The following SLC38A11 variants were observed in gnomAD, a reference collection of about 807,000 sequenced individuals.
The protein encoded by SLC38A11 is putative sodium-coupled neutral amino acid transporter 11.
A neutral mutation model predicts 49.4 loss-of-function variants in SLC38A11; 51 were observed. The observed-to-expected ratio is 1.03, with a 90% CI of 0.83 to 1.30. SLC38A11 has a LOEUF of 1.30. Among genes scored for constraint, SLC38A11 ranks in the 50% most tolerant of loss-of-function variants. The probability of loss-of-function intolerance (pLI) is 0.00; values close to 1 mark genes in which losing one functional copy is unlikely to be tolerated. For missense variants in SLC38A11, 574 were observed against 556.2 expected (o/e 1.03, Z -0.32); for synonymous variants, 203 against 192.9 (o/e 1.05, Z -0.43).
At chr2:164,951,455 T>C (rs1335391957) in intron 3 of SLC38A11, among the ~76,000 whole-genome samples, 1 of 152,334 alleles carries the variant, frequency 6.6e-6, no homozygotes, top group Non-Finnish European at 1.5e-5. Flanking sequence ...CTCATGCTGC[T>C]AATTTATGGG....
chr2:164,912,461 T>A (rs1428750291), intron 9 of SLC38A11: 1 of 152,116 alleles, frequency 6.6e-6, no homozygotes, highest in African/African-American at 2.4e-5. Flanking sequence ...CATTATTTTT[T>A]AAAAATGTCT....
In SLC38A11 at chr2:164,898,669, G is replaced by C; in HGVS notation, c.1157C>G (p.Ser386Cys). 4 of 1,613,526 alleles carry C rather than the reference G, an allele frequency of 2.5e-6. No individual in the cohort carries two copies. The highest frequency in any genetic ancestry group is 1.1e-5 in the South Asian group (1 of 91,068). Reference sequence around the variant, plus strand: ...ATCGGAGTGTGTCCTTGGTTCTTCAGACAGTTTCAGATAACAGGCTGATGG... The same window carrying C: ...ATCGGAGTGTGTCCTTGGTTCTTCACACAGTTTCAGATAACAGGCTGATGG... ...IIPSACYLKL[S>C]EEPRTHSDKI... Residue 386 changes from serine to cysteine, a missense_variant, in exon 12 of 12, where the codon TCT (serine) becomes TGT (cysteine). Transcript: ENST00000685975.
chr2:164,943,191 C>T (rs1687897335), intron 5 of SLC38A11, among the ~76,000 whole-genome samples: 1 of 151,974 alleles, frequency 6.6e-6, no homozygotes, highest in Admixed American at 6.5e-5. Flanking sequence ...CTCTTCAAAG[C>T]AAAAAGACAC....
chr2:164,939,936 T>TA, intron 5 of SLC38A11, among the ~76,000 whole-genome samples: 1 of 151,230 alleles, frequency 6.6e-6, no homozygotes. Flanking sequence ...CAAAACTCTT[T>TA]AATGACAAAA....
At chr2:164,941,710 T>C (rs1011626517) in intron 5 of SLC38A11, among the ~76,000 whole-genome samples, 9 of 152,198 alleles carry the variant, frequency 5.9e-5, no homozygotes, top group Admixed American at 5.9e-4. Flanking sequence ...ACAATCAAAA[T>C]GTTTCTATCA....
intron 7 of SLC38A11, among the ~76,000 whole-genome samples, chr2:164,928,759 A>G (rs894195719): frequency 1.1e-4 from 17 of 152,052 alleles, no homozygotes; most frequent in Non-Finnish European, 2.4e-4. Flanking sequence ...TCAGATAATC[A>G]TCTCATCTTT....
chr2:164,904,355 C>T (rs1453984948), intron 11 of SLC38A11, among the ~76,000 whole-genome samples: 1 of 151,972 alleles, frequency 6.6e-6, no homozygotes, highest in Non-Finnish European at 1.5e-5. Flanking sequence ...ACCTTTAAAA[C>T]TTAGTGTGTG....
At chr2:164,937,243 T>G in intron 7 of SLC38A11, 107 bp downstream of exon 7, 2 of 746,010 alleles carry the variant, frequency 2.7e-6, no homozygotes, top group Admixed American at 2.4e-5. Flanking sequence ...CAAAGATAAA[T>G]GATGTTTCTG....
chr2:164,914,253 G>A (rs1170727215), intron 9 of SLC38A11, among the ~76,000 whole-genome samples: 2 of 151,898 alleles, frequency 1.3e-5, no homozygotes, highest in Admixed American at 1.3e-4. Flanking sequence ...ACCTGCAAGA[G>A]CTGTGAAATA....
intron 5 of SLC38A11, 36 bp downstream of exon 5, chr2:164,944,533 T>C (rs1165255039): frequency 3.0e-6 from 3 of 1,005,772 alleles, no homozygotes; most frequent in Admixed American, 3.8e-5. Flanking sequence ...ATAAAATAAA[T>C]ATATTTAAAT....
intron 5 of SLC38A11, among the ~76,000 whole-genome samples, chr2:164,940,595 A>T (rs969092949): frequency 4.6e-5 from 7 of 151,312 alleles, no homozygotes. Context: ...CTAAACAATG[A>T]CACTACTTTT....
intron 3 of SLC38A11, among the ~76,000 whole-genome samples, chr2:164,949,323 A>G (rs573166242): frequency 6.6e-6 from 1 of 152,064 alleles, no homozygotes; most frequent in Non-Finnish European, 1.5e-5. Flanking sequence ...ATCTCAGCTC[A>G]CTGCAACCTC....
chr2:164,915,116 G>A lies in SLC38A11; in HGVS notation c.846C>T (p.Thr282=). The change falls in exon 9 of 12, where the codon ACC becomes ACT. Residue 282 remains threonine (T), a synonymous_variant. Transcript: ENST00000685975. ...TAACTGAATCTCTCATTTTACCTTG[G>A]GTGAAGCCAGTAAATGTCAAGTATC... ...TCGYLTFTGF[T]QGDLFENYCR... is the part of the protein sequence containing the mutation. The A allele has an allele frequency of 6.2e-7, 1 of 1,604,814 alleles. No homozygotes were observed. Among genetic ancestry groups the A allele is most frequent in the Non-Finnish European group, 8.5e-7 (1 of 1,176,214 alleles).
Position 164,939,529 on chromosome 2 carries a change from C to A in SLC38A11, c.458G>T (p.Arg153Leu). The change falls in exon 6 of 12, where the codon CGC (arginine) becomes CTC (leucine). Residue 153 changes from arginine to leucine, a missense_variant. By Grantham distance (102) the Arg-to-Leu change is moderately radical. Transcript: ENST00000685975. ...TGTGGAAAGTCCAATAATGAAGTGG[C>A]GACCAATAAACACGTTTTCAGGATC... The part of the protein sequence containing the change: ...GVDPENVFIG[R>L]HFIIGLSTVT... The A allele has an allele frequency of 6.2e-7, 1 of 1,608,850 alleles. No individual in the cohort carries two copies. Among genetic ancestry groups the A allele is most frequent in the Non-Finnish European group, 8.5e-7 (1 of 1,176,732 alleles).
Position 164,896,229 on chromosome 2 carries a change from T to C in SLC38A11, c.*2208A>G, listed in dbSNP as rs942409877. 3.3e-5 allele frequency: 5 copies of C among 152,186 alleles called. No individual in the cohort carries two copies. The highest frequency in any genetic ancestry group is 7.4e-5 in the Non-Finnish European group (5 of 68,020). 9.4% of individuals were successfully genotyped at this position (152,186 alleles called of 1,614,324 possible). ...TAAATTATAATTTGAAAGATGTCGG[T>C]AATCCGTGCAGCTAATAACTGGGTC... On this transcript the variant is annotated 3_prime_UTR_variant, in exon 12 of 12. Transcript: ENST00000685975.
rs1327895604 is a variant in SLC38A11 at position 164,894,851 on chromosome 2, C to T, written c.*3586G>A. ...CCAATTGCTCTCCCTCCTACATCTC[C>T]AGCCTCATTTTCTTCCCTGAGATCT... On this transcript the variant is annotated 3_prime_UTR_variant, in exon 12 of 12. Transcript: ENST00000685975. Among the ~76,000 whole-genome samples, 5 of 152,128 alleles carry T rather than the reference C, an allele frequency of 3.3e-5. No individual in the cohort carries two copies. Among genetic ancestry groups the T allele is most frequent in the Non-Finnish European group, 7.3e-5 (5 of 68,028 alleles).
At chr2:164,921,727 C>T (rs774190552) in intron 7 of SLC38A11, among the ~76,000 whole-genome samples, 3 of 152,106 alleles carry the variant, frequency 2.0e-5, no homozygotes, top group Non-Finnish European at 2.9e-5. Flanking sequence ...CCTTAGGAAG[C>T]TTTAAAAAGA....
chr2:164,919,075 G>C, intron 7 of SLC38A11, among the ~76,000 whole-genome samples: 1 of 152,196 alleles, frequency 6.6e-6, no homozygotes, highest in East Asian at 1.9e-4. Flanking sequence ...GATGGTTCAC[G>C]CCTGAAATCC....
chr2:164,927,007 T>A (rs762372442), intron 7 of SLC38A11, among the ~76,000 whole-genome samples: 6 of 151,554 alleles, frequency 4.0e-5, no homozygotes, highest in African/African-American at 9.7e-5. Context: ...GAACTTAAAT[T>A]ATAATAATAA....
Sources: gnomAD v4.1 joint callset for allele counts (sites outside exome capture counted in the v4.1 genomes callset) on GRCh38, gnomAD v4.1.1 for gene constraint, MANE v1.5 for transcripts, NCBI Gene and HGNC (gene_info 2026-07-23, HGNC 2026-07-21) for gene names.